The following PDZRN4 variants were observed in gnomAD, a reference collection of about 807,000 sequenced individuals.
The protein encoded by PDZRN4 is PDZ domain containing ring finger 4.
In PDZRN4, 70 loss-of-function variants were observed where a neutral mutation model predicts 99.0. That is an observed-to-expected ratio of 0.71 (90% confidence interval 0.58 to 0.86). The LOEUF (loss-of-function observed/expected upper bound fraction) is 0.86, where lower values mean the gene tolerates loss of function less well. PDZRN4 is among the 40% of genes least tolerant of loss of function. The pLI, the probability that PDZRN4 is intolerant of heterozygous loss-of-function variation, is 0.00. For synonymous variants in PDZRN4, 551 were observed against 501.6 expected, an observed-to-expected ratio of 1.10 and a Z score of -1.32; for missense variants, 1,474 against 1,331.2, an observed-to-expected ratio of 1.11 and a Z score of -1.67.
At chr12:41,467,461 C>T (rs1449159511) in intron 3 of PDZRN4, among the ~76,000 whole-genome samples, 2 of 152,170 alleles carry the variant, frequency 1.3e-5, no homozygotes, top group East Asian at 1.9e-4. Context: ...TTTCACCTCA[C>T]TTTATTCCTA....
At chr12:41,377,177 G>A (rs1952088247) in intron 3 of PDZRN4, among the ~76,000 whole-genome samples, 1 of 152,070 alleles carries the variant, frequency 6.6e-6, no homozygotes, top group African/African-American at 2.4e-5. Flanking sequence ...CTCCAACTTT[G>A]TTGTTCTTTC....
chr12:41,327,874 C>G lies in PDZRN4; in HGVS notation c.843+133686C>G, dbSNP rs752216766. ...CAGCTATAACTATAAATGTGAGATA[C>G]TTTACATATCCAGTCCTCTACACAT... On this transcript the variant is annotated intron_variant, in intron 3 of 9. Coordinates refer to ENST00000402685, the MANE Select transcript of PDZRN4 (RefSeq NM_001164595.2). Among the ~76,000 whole-genome samples, 60 of 152,074 alleles carry G rather than the reference C, an allele frequency of 3.9e-4. 1 individual carries two copies. The highest frequency in any genetic ancestry group is 6.8e-3 in the Middle Eastern group (2 of 294).
chr12:41,359,513 A>C (rs140606962), intron 3 of PDZRN4, among the ~76,000 whole-genome samples: 2 of 151,964 alleles, frequency 1.3e-5, no homozygotes, highest in African/African-American at 4.8e-5. Context: ...TAACTCCCAT[A>C]CAAGTGGGAA....
intron 3 of PDZRN4, among the ~76,000 whole-genome samples, chr12:41,225,625 T>C (rs998313008): frequency 3.3e-5 from 5 of 152,152 alleles, no homozygotes; most frequent in African/African-American, 1.2e-4. Flanking sequence ...TTCTCTCTGT[T>C]TTCTTTCTGT....
At chr12:41,400,502 C>A (rs950595079) in intron 3 of PDZRN4, among the ~76,000 whole-genome samples, 2 of 152,096 alleles carry the variant, frequency 1.3e-5, no homozygotes, top group African/African-American at 4.8e-5. Context: ...GAAATTAGGA[C>A]CTCATGGGTT....
chr12:41,468,555 ACTC>A (rs1280838095), intron 3 of PDZRN4, among the ~76,000 whole-genome samples: 2 of 152,108 alleles, frequency 1.3e-5, no homozygotes, highest in African/African-American at 2.4e-5. Context: ...TTTTTTGCTT[ACTC>A]GCATTCATCC....
At chr12:41,407,055 C>A (rs941724517) in intron 3 of PDZRN4, among the ~76,000 whole-genome samples, 5 of 152,072 alleles carry the variant, frequency 3.3e-5, no homozygotes, top group African/African-American at 1.2e-4. Flanking sequence ...TCCTAATGAG[C>A]TGTGTGTTAT....
intron 5 of PDZRN4, among the ~76,000 whole-genome samples, chr12:41,528,554 T>G (rs940335366): frequency 6.6e-6 from 1 of 152,208 alleles, no homozygotes; most frequent in Non-Finnish European, 1.5e-5. Context: ...TTGTGGAAAC[T>G]CAAAAATTCT....
intron 3 of PDZRN4, among the ~76,000 whole-genome samples, chr12:41,310,786 T>G (rs887050778): frequency 6.6e-6 from 1 of 152,230 alleles, no homozygotes; most frequent in African/African-American, 2.4e-5. Context: ...CTTACAAATA[T>G]TTTGTCACTT....
chr12:41,462,880 GA>G (rs1952885719), intron 3 of PDZRN4, among the ~76,000 whole-genome samples: 1 of 152,064 alleles, frequency 6.6e-6, no homozygotes, highest in Non-Finnish European at 1.5e-5. Flanking sequence ...AAAAGGATTT[GA>G]GATGTGTAAA....
intron 3 of PDZRN4, among the ~76,000 whole-genome samples, chr12:41,323,954 C>T (rs1527091): frequency 0.66 from 100,771 of 151,762 alleles, 36,928 homozygotes; most frequent in Middle Eastern, 0.83. Flanking sequence ...GGCTCTTAAA[C>T]GTAAACAACT....
chr12:41,380,947 A>G (rs934793798), intron 3 of PDZRN4, among the ~76,000 whole-genome samples: 1 of 152,128 alleles, frequency 6.6e-6, no homozygotes, highest in African/African-American at 2.4e-5. Context: ...TTCATTTAGA[A>G]AAGCCTTTAT....
intron 3 of PDZRN4, among the ~76,000 whole-genome samples, chr12:41,443,174 A>T (rs770546243): frequency 3.3e-5 from 5 of 152,062 alleles, no homozygotes; most frequent in African/African-American, 4.8e-5. Flanking sequence ...AGCATAAGAG[A>T]GGCATAAACA....
intron 3 of PDZRN4, among the ~76,000 whole-genome samples, chr12:41,461,995 C>T (rs1952877974): frequency 6.6e-6 from 1 of 152,122 alleles, no homozygotes; most frequent in South Asian, 2.1e-4. Flanking sequence ...TAATTAACCT[C>T]ACATTGTGCT....
chr12:41,207,873 T>C (rs948316861), intron 3 of PDZRN4, among the ~76,000 whole-genome samples: 3 of 151,806 alleles, frequency 2.0e-5, no homozygotes, highest in African/African-American at 7.2e-5. Flanking sequence ...TGGAGACCTA[T>C]GGAGTTGATG....
intron 3 of PDZRN4, among the ~76,000 whole-genome samples, chr12:41,293,251 G>C (rs1304199058): frequency 6.9e-6 from 1 of 144,232 alleles, no homozygotes; most frequent in Non-Finnish European, 1.5e-5. Flanking sequence ...TGTGGGTAGA[G>C]GACACGTAAT....
chr12:41,513,757 A>G (rs148221725), intron 5 of PDZRN4, among the ~76,000 whole-genome samples: 1 of 152,190 alleles, frequency 6.6e-6, no homozygotes, highest in African/African-American at 2.4e-5. Context: ...TAAGAAACAT[A>G]GAGATCTTTT....
intron 9 of PDZRN4, among the ~76,000 whole-genome samples, chr12:41,572,162 T>G (rs1274864419): frequency 1.3e-5 from 2 of 152,208 alleles, no homozygotes; most frequent in African/African-American, 4.8e-5. Context: ...TCAAGCGGGT[T>G]TTGTTTTCTT....
chr12:41,236,700 TTGTTTCTTTTTGCCAATA>T (rs887646606), intron 3 of PDZRN4, among the ~76,000 whole-genome samples: 2 of 152,158 alleles, frequency 1.3e-5, no homozygotes, highest in African/African-American at 4.8e-5. Context: ...GATTGTTTTT[TTGTTTCTTTTTGCCAATA>T]TGGCAAGTGA....
Sources: gnomAD v4.1 joint callset for allele counts (sites outside exome capture counted in the v4.1 genomes callset) on GRCh38, gnomAD v4.1.1 for gene constraint, MANE v1.5 for transcripts, NCBI Gene and HGNC (gene_info 2026-07-23, HGNC 2026-07-21) for gene names.